Variants in PRKAG2 observed in about 807,000 individuals in gnomAD.
PRKAG2 encodes the protein 5'-AMP-activated protein kinase subunit gamma-2.
Under a neutral mutation model 69.6 loss-of-function variants are expected in PRKAG2, and 26 were observed. The observed-to-expected ratio is 0.37, with a 90% CI of 0.27 to 0.52. The LOEUF (loss-of-function observed/expected upper bound fraction) is 0.52, where lower values mean the gene tolerates loss of function less well. Among genes scored for constraint, PRKAG2 ranks in the 20% least tolerant of loss-of-function variants. PRKAG2 has a pLI of 0.90. For missense variants in PRKAG2, 557 were observed against 740.0 expected, an observed-to-expected ratio of 0.75 and a Z score of 2.87; for synonymous variants, 293 against 285.0, an observed-to-expected ratio of 1.03 and a Z score of -0.28.
At chr7:151,652,801 T>C (rs550608395) in intron 4 of PRKAG2, among the ~76,000 whole-genome samples, 15 of 152,236 alleles carry the variant, frequency 9.9e-5, no homozygotes, top group African/African-American at 3.4e-4. Context: ...AATTTTTCTG[T>C]AGTGATGGGG....
intron 1 of PRKAG2, among the ~76,000 whole-genome samples, chr7:151,795,858 T>G (rs1376856353): frequency 8.0e-5 from 8 of 99,580 alleles, no homozygotes; most frequent in African/African-American, 4.2e-4. Flanking sequence ...TATATATATA[T>G]ATATATATAT....
At chr7:151,808,521 G>A (rs987594987) in intron 1 of PRKAG2, among the ~76,000 whole-genome samples, 1 of 152,048 alleles carries the variant, frequency 6.6e-6, no homozygotes, top group Non-Finnish European at 1.5e-5. Flanking sequence ...TGAGCGCCTG[G>A]TGATGCACAG....
At chr7:151,744,145 C>T (rs1778693331) in intron 3 of PRKAG2, among the ~76,000 whole-genome samples, 1 of 152,208 alleles carries the variant, frequency 6.6e-6, no homozygotes, top group South Asian at 2.1e-4. Context: ...CAATGGCGCT[C>T]CTGTGGCTCT....
chr7:151,703,402 C>T (rs761233832), intron 3 of PRKAG2, among the ~76,000 whole-genome samples: 8 of 152,206 alleles, frequency 5.3e-5, no homozygotes, highest in Non-Finnish European at 8.8e-5. Flanking sequence ...TTCTGCTCTC[C>T]GCTGTGGCCG....
At chr7:151,865,759 C>T (rs1414425827) in intron 1 of PRKAG2, among the ~76,000 whole-genome samples, 2 of 152,136 alleles carry the variant, frequency 1.3e-5, no homozygotes, top group African/African-American at 4.8e-5. Flanking sequence ...GTGGCTCACG[C>T]CTGTAATCCC....
At chr7:151,844,844 T>C (rs777424637) in intron 1 of PRKAG2, among the ~76,000 whole-genome samples, 2 of 152,224 alleles carry the variant, frequency 1.3e-5, no homozygotes, top group Non-Finnish European at 2.9e-5. Context: ...TAAATCGGTA[T>C]CATTCCATGC....
intron 3 of PRKAG2, among the ~76,000 whole-genome samples, chr7:151,680,002 G>A (rs1038791852): frequency 6.6e-6 from 1 of 152,094 alleles, no homozygotes; most frequent in African/African-American, 2.4e-5. Flanking sequence ...CAGTGAGCTA[G>A]GACTGCACCA....
At chr7:151,605,463 A>G (rs1403331769) in intron 5 of PRKAG2, among the ~76,000 whole-genome samples, 2 of 151,922 alleles carry the variant, frequency 1.3e-5, no homozygotes, top group African/African-American at 4.8e-5. Context: ...GGCTGGGTGC[A>G]GTGGCTCACG....
At chr7:151,629,307 T>C (rs939347439) in intron 5 of PRKAG2, among the ~76,000 whole-genome samples, 1 of 152,194 alleles carries the variant, frequency 6.6e-6, no homozygotes, top group Non-Finnish European at 1.5e-5. Context: ...GCGGCCCCTG[T>C]GCTAGGCAAG....
chr7:151,706,666 C>T (rs1838669986), intron 3 of PRKAG2, among the ~76,000 whole-genome samples: 1 of 152,226 alleles, frequency 6.6e-6, no homozygotes. Context: ...GACTTTCTTC[C>T]AAGGAATGTA....
chr7:151,764,951 G>C (rs377342853), intron 3 of PRKAG2, among the ~76,000 whole-genome samples: 6 of 152,242 alleles, frequency 3.9e-5, no homozygotes, highest in African/African-American at 1.4e-4. Flanking sequence ...CATCCTGTCT[G>C]CTGTGTGGCC....
At chr7:151,660,577 T>C (rs552988144) in intron 4 of PRKAG2, among the ~76,000 whole-genome samples, 10 of 152,386 alleles carry the variant, frequency 6.6e-5, no homozygotes, top group African/African-American at 2.4e-4. Flanking sequence ...GCAATACTTA[T>C]ACTGTGTGTC....
intron 3 of PRKAG2, among the ~76,000 whole-genome samples, chr7:151,713,705 G>C (rs1333569575): frequency 6.6e-6 from 1 of 151,526 alleles, no homozygotes; most frequent in Admixed American, 6.6e-5. Context: ...TCAGCTTCCT[G>C]AGTAGCTGGG....
At chr7:151,755,460 C>T (rs896303258) in intron 3 of PRKAG2, among the ~76,000 whole-genome samples, 3 of 152,032 alleles carry the variant, frequency 2.0e-5, no homozygotes, top group African/African-American at 7.3e-5. Context: ...CTCAGAGGAC[C>T]TCAGAGGCCA....
chr7:151,872,967 G>A (rs1467844352), intron 1 of PRKAG2, among the ~76,000 whole-genome samples: 1 of 152,214 alleles, frequency 6.6e-6, no homozygotes, highest in East Asian at 1.9e-4. Flanking sequence ...ATTAATCTGG[G>A]ATTTCACATC....
chr7:151,802,871 C>T (rs533431176), intron 1 of PRKAG2, among the ~76,000 whole-genome samples: 1 of 151,840 alleles, frequency 6.6e-6, no homozygotes, highest in Admixed American at 6.6e-5. Flanking sequence ...TGCCAGCATT[C>T]CTCAAAAAAG....
At chr7:151,747,546 G>T (rs1030191883) in intron 3 of PRKAG2, among the ~76,000 whole-genome samples, 1 of 145,856 alleles carries the variant, frequency 6.9e-6, no homozygotes, top group East Asian at 2.0e-4. Flanking sequence ...GATAGAGAGA[G>T]ACTCCGTCTC....
At chr7:151,783,960 G>T (rs1172295026) in intron 2 of PRKAG2, among the ~76,000 whole-genome samples, 3 of 151,512 alleles carry the variant, frequency 2.0e-5, no homozygotes, top group Non-Finnish European at 4.4e-5. Flanking sequence ...TTCAAGTGGT[G>T]GGTGCTGTGT....
At chr7:151,662,035 C>T (rs182676699) in intron 4 of PRKAG2, among the ~76,000 whole-genome samples, 418 of 152,298 alleles carry the variant, frequency 2.7e-3, no homozygotes, top group South Asian at 7.7e-3. Context: ...ATTTTTCCAC[C>T]ATTTAATGTT....
Sources: allele counts gnomAD v4.1 joint callset (sites outside exome capture counted in the v4.1 genomes callset), GRCh38; gene constraint gnomAD v4.1.1; transcripts MANE v1.5; gene names NCBI Gene and HGNC (gene_info 2026-07-23, HGNC 2026-07-21).